The following KIAA0232 variants were observed in gnomAD, a reference collection of about 807,000 sequenced individuals.
KIAA0232 encodes uncharacterized protein KIAA0232.
Under a neutral mutation model 122.0 loss-of-function variants are expected in KIAA0232, and 27 were observed. That is an observed-to-expected ratio of 0.22 (90% CI 0.16 to 0.31). The LOEUF (loss-of-function observed/expected upper bound fraction) is 0.31, where lower values mean the gene tolerates loss of function less well. Among genes scored for constraint, KIAA0232 ranks in the 10% least tolerant of loss-of-function variants. The pLI, the probability that KIAA0232 is intolerant of heterozygous loss-of-function variation, is 1.00. For missense variants in KIAA0232, 1,551 were observed against 1,634.2 expected, an observed-to-expected ratio of 0.95 and a Z score of 0.88; for synonymous variants, 613 against 587.6, an observed-to-expected ratio of 1.04 and a Z score of -0.63.
intron 1 of KIAA0232, among the ~76,000 whole-genome samples, chr4:6,798,993 A>G (rs1338122780): frequency 6.6e-6 from 1 of 152,160 alleles, no homozygotes; most frequent in Non-Finnish European, 1.5e-5. Context: ...ATGGCTTTTA[A>G]CAACAGAAGT....
At chr4:6,838,535 T>A (rs112679180) in intron 3 of KIAA0232, among the ~76,000 whole-genome samples, 2,977 of 152,148 alleles carry the variant, frequency 0.02, 39 homozygotes, top group Non-Finnish European at 0.03. Context: ...TTACTGGGAG[T>A]ATTCTAGGTC....
chr4:6,785,774 C>T lies in KIAA0232; in HGVS notation c.-354+2933C>T, dbSNP rs1293718082. ...AGATACCAGCATCACAATGCAGGCC[C>T]CTTGCAGTCTGGCCCCCAGTCATCT... On this transcript the variant is annotated intron_variant, in intron 1 of 9. Coordinates refer to ENST00000307659, the MANE Select transcript of KIAA0232 (RefSeq NM_014743.3). Among the ~76,000 whole-genome samples, 5 of 152,292 alleles carry T rather than the reference C, an allele frequency of 3.3e-5. No individual in the cohort carries two copies. In the South Asian group the frequency reaches 1.0e-3, roughly 32 times the overall value.
At chr4:6,866,652 G>A (rs1721196559) in intron 7 of KIAA0232, among the ~76,000 whole-genome samples, 1 of 152,200 alleles carries the variant, frequency 6.6e-6, no homozygotes, top group Non-Finnish European at 1.5e-5. Context: ...AACCCCATCT[G>A]TTTCAGACTT....
rs116441766 is a variant in KIAA0232 at position 6,822,226 on chromosome 4, C to T, written c.-269-1959C>T. ...GCTGGTGAAAGTTACAGAAAATCTT[C>T]GCTTTAATTTATCTAGTTGTCATAA... On this transcript the variant is annotated intron_variant, in intron 2 of 9. Coordinates refer to ENST00000307659, the MANE Select transcript of KIAA0232 (RefSeq NM_014743.3). Among the ~76,000 whole-genome samples, 641 of 152,004 alleles carry T rather than the reference C, an allele frequency of 4.2e-3. 3 individuals carry two copies. The highest frequency in any genetic ancestry group is 0.014 in the African/African-American group (585 of 41,486).
At chr4:6,787,203 C>T (rs970703396) in intron 1 of KIAA0232, among the ~76,000 whole-genome samples, 1 of 147,198 alleles carries the variant, frequency 6.8e-6, no homozygotes, top group Non-Finnish European at 1.5e-5. Flanking sequence ...AAAAAAAAAT[C>T]CTTATATTTG....
At chr4:6,865,657 A>C (rs911829798) in intron 7 of KIAA0232, among the ~76,000 whole-genome samples, 7 of 152,206 alleles carry the variant, frequency 4.6e-5, no homozygotes, top group African/African-American at 1.7e-4. Context: ...CTGTGGCCAG[A>C]GAGCAGATGA....
At chr4:6,811,934 T>C (rs541966128) in intron 2 of KIAA0232, among the ~76,000 whole-genome samples, 32 of 152,226 alleles carry the variant, frequency 2.1e-4, no homozygotes, top group African/African-American at 7.2e-4. Context: ...GTTCTTGTTA[T>C]TCCATACAGT....
At chr4:6,823,983 G>C (rs770099751) in intron 2 of KIAA0232, among the ~76,000 whole-genome samples, 4 of 152,034 alleles carry the variant, frequency 2.6e-5, no homozygotes, top group Non-Finnish European at 5.9e-5. Flanking sequence ...CCAACTTGCT[G>C]GTACACAGGA....
rs779870660 is a variant in KIAA0232 at position 6,861,225 on chromosome 4, A to G, written c.843A>G (p.Gly281=). ...AGCAAATCCGACATAAACCTGAAGG[A>G]AAGATTCGCCCTCGCTCGTGGTCTT... The part of the protein sequence containing the change: ...YKKQIRHKPE[G]KIRPRSWSSG... Residue 281 remains glycine, a synonymous_variant, in exon 7 of 10, where the codon GGA becomes GGG. Transcript: ENST00000307659. 7.4e-6 allele frequency: 12 copies of G among 1,614,158 alleles called. No homozygotes were observed. The East Asian group carries it at 1.8e-4, about 24-fold the overall frequency.
intron 3 of KIAA0232, among the ~76,000 whole-genome samples, chr4:6,841,089 GATGT>G (rs1312350299): frequency 6.6e-6 from 1 of 152,134 alleles, no homozygotes; most frequent in Non-Finnish European, 1.5e-5. Flanking sequence ...CTACAGATGT[GATGT>G]TTCTTAATTC....
intron 7 of KIAA0232, among the ~76,000 whole-genome samples, chr4:6,864,892 C>T (rs537257140): frequency 6.6e-6 from 1 of 152,114 alleles, no homozygotes; most frequent in Non-Finnish European, 1.5e-5. Context: ...ATCACTTTAT[C>T]AAAACTTGTG....
In KIAA0232 at chr4:6,883,841, T is replaced by A. The variant is rs1480329153; in HGVS notation, c.*2875T>A. The A allele has an allele frequency of 1.3e-5, 2 of 152,238 alleles. No homozygotes were observed. Among genetic ancestry groups the A allele is most frequent in the East Asian group, 3.8e-4 (2 of 5,208 alleles). The allele number at this position is 152,238 out of a possible 1,614,324, so 9.4% of individuals were successfully genotyped here. ...CTGGTAACATCTGTGCAAGCCCCTTTCCAGGATTCTGAATGTACAGTATAT... is the reference window on the plus strand; with the variant it reads ...CTGGTAACATCTGTGCAAGCCCCTTACCAGGATTCTGAATGTACAGTATAT... On this transcript the variant is annotated 3_prime_UTR_variant, in exon 10 of 10. Transcript: ENST00000307659.
intron 1 of KIAA0232, among the ~76,000 whole-genome samples, chr4:6,797,772 A>C (rs1347052596): frequency 4.2e-5 from 5 of 119,504 alleles, no homozygotes; most frequent in Non-Finnish European, 8.6e-5. Flanking sequence ...CCTGCCTCTC[A>C]AAAAAAAAAA....
intron 6 of KIAA0232, among the ~76,000 whole-genome samples, chr4:6,859,461 G>A (rs1311741273): frequency 6.6e-6 from 1 of 152,126 alleles, no homozygotes; most frequent in East Asian, 1.9e-4. Flanking sequence ...TGTGCTGTCA[G>A]TGGACAATTC....
chr4:6,850,407 G>A (rs1720212486), intron 4 of KIAA0232, among the ~76,000 whole-genome samples: 1 of 152,118 alleles, frequency 6.6e-6, no homozygotes, highest in African/African-American at 2.4e-5. Flanking sequence ...AATACTGTTT[G>A]AAGGTGTACA....
intron 4 of KIAA0232, among the ~76,000 whole-genome samples, chr4:6,854,668 G>T (rs1230680641): frequency 6.6e-6 from 1 of 152,206 alleles, no homozygotes; most frequent in Non-Finnish European, 1.5e-5. Flanking sequence ...TGTTTTACAT[G>T]TGTTGGATAC....
At chr4:6,792,892 A>G (rs1320113657) in intron 1 of KIAA0232, among the ~76,000 whole-genome samples, 7 of 151,758 alleles carry the variant, frequency 4.6e-5, no homozygotes, top group Non-Finnish European at 1.0e-4. Context: ...GGGTTTCACC[A>G]TGTTAGAATG....
chr4:6,839,824 G>A (rs1446918120), intron 3 of KIAA0232, among the ~76,000 whole-genome samples: 3 of 152,102 alleles, frequency 2.0e-5, no homozygotes, highest in Non-Finnish European at 4.4e-5. Flanking sequence ...CAGACAGGTA[G>A]GTCAGTGAGG....
At chr4:6,817,950 G>A (rs765736130) in intron 2 of KIAA0232, among the ~76,000 whole-genome samples, 4 of 151,740 alleles carry the variant, frequency 2.6e-5, no homozygotes, top group African/African-American at 4.8e-5. Context: ...TATTTTTTGC[G>A]CCAAAATCTA....
Sources: gnomAD v4.1 joint callset for allele counts (sites outside exome capture counted in the v4.1 genomes callset) on GRCh38, gnomAD v4.1.1 for gene constraint, MANE v1.5 for transcripts, NCBI Gene and HGNC (gene_info 2026-07-23, HGNC 2026-07-21) for gene names.